XRN1: variants seen among roughly 807,000 people sequenced by gnomAD.
XRN1 encodes the protein strand-exchange protein 1 homolog.
A neutral mutation model predicts 222.3 loss-of-function variants in XRN1; 67 were observed. That is an observed-to-expected ratio of 0.30 (90% CI 0.25 to 0.37). The LOEUF (loss-of-function observed/expected upper bound fraction) is 0.37. XRN1 is among the 10% of genes least tolerant of loss of function. The probability of loss-of-function intolerance (pLI) is 1.00; values close to 1 mark genes in which losing one functional copy is unlikely to be tolerated. For synonymous variants in XRN1, 643 were observed against 652.4 expected, an observed-to-expected ratio of 0.99 and a Z score of 0.22; for missense variants, 1,707 against 2,000.2, an observed-to-expected ratio of 0.85 and a Z score of 2.80.
At chr3:142,405,702 T>C (rs2068310863) in intron 15 of XRN1, among the ~76,000 whole-genome samples, 1 of 152,072 alleles carries the variant, frequency 6.6e-6, no homozygotes, top group Admixed American at 6.5e-5. Context: ...AGTTCAATAA[T>C]AGACCCAAAT....
intron 22 of XRN1, among the ~76,000 whole-genome samples, chr3:142,380,755 G>T (rs1463341719): frequency 6.6e-6 from 1 of 151,956 alleles, no homozygotes; most frequent in Non-Finnish European, 1.5e-5. Context: ...GCCTTCCTGG[G>T]CTCAAACAAT....
chr3:142,420,398 G>A (rs569498056), intron 10 of XRN1: 2 of 152,490 alleles, frequency 1.3e-5, no homozygotes, highest in South Asian at 2.1e-4. Context: ...ATGAGACAGA[G>A]TCTCACTCTA....
chr3:142,335,587 C>T (rs1460576140), intron 33 of XRN1, 78 bp from the exon 34 acceptor site: 1 of 1,267,052 alleles, frequency 7.9e-7, no homozygotes, highest in Non-Finnish European at 1.1e-6. Context: ...TTTATAATAG[C>T]AAGGCACTGT....
chr3:142,358,850 T>C (rs550053169), intron 30 of XRN1, among the ~76,000 whole-genome samples: 8 of 151,968 alleles, frequency 5.3e-5, no homozygotes, highest in Non-Finnish European at 8.8e-5. Flanking sequence ...TGTAAGGAGG[T>C]TAAAAAAGGG....
At chr3:142,404,073 TA>T (rs1211126076) in intron 16 of XRN1, 84 bp from the exon 17 acceptor site, 17 of 1,181,896 alleles carry the variant, frequency 1.4e-5, no homozygotes, top group Non-Finnish European at 1.9e-5. Context: ...GTATATTTCG[TA>T]AGAGTCATCC....
intron 23 of XRN1, among the ~76,000 whole-genome samples, chr3:142,378,177 C>A (rs1166107642): frequency 6.6e-6 from 1 of 152,204 alleles, no homozygotes; most frequent in Non-Finnish European, 1.5e-5. Flanking sequence ...AGAACCTTCC[C>A]TCTGTTTTAA....
intron 29 of XRN1, 70 bp downstream of exon 29, chr3:142,364,977 A>T: frequency 6.7e-7 from 1 of 1,482,716 alleles, no homozygotes; most frequent in African/African-American, 1.4e-5. Flanking sequence ...AGATATAAAA[A>T]ACAGACAAGC....
intron 37 of XRN1, among the ~76,000 whole-genome samples, chr3:142,319,183 G>A (rs567740736): frequency 3.3e-5 from 5 of 152,302 alleles, no homozygotes; most frequent in Middle Eastern, 3.4e-3. Flanking sequence ...GACAAACTAT[G>A]GAGTTCTGCC....
At position 142,400,458 on chromosome 3, in the gene XRN1, T is replaced by A; in HGVS notation, c.2193A>T (p.Ser731=). Residue 731 remains serine, a synonymous_variant, in exon 19 of 41, where the codon TCA becomes TCT. Coordinates refer to ENST00000392981, the MANE Select transcript of XRN1 (RefSeq NM_001282857.2). ...ATCTTACTTACTTAGTTTCTCCATC[T>A]GATACAGCCACGACTCTAGCTTCCT... is the stretch of plus-strand genomic sequence containing the variant. The part of the protein sequence containing the change: ...HLEEARVVAV[S]DGETKFYLEE... 1 of 1,608,832 alleles carries A rather than the reference T, an allele frequency of 6.2e-7. No homozygotes were observed. The highest frequency in any genetic ancestry group is 8.5e-7 in the Non-Finnish European group (1 of 1,177,540).
At chr3:142,379,891 C>T (rs564129688) in intron 23 of XRN1, among the ~76,000 whole-genome samples, 191 bp downstream of exon 23, 1 of 152,198 alleles carries the variant, frequency 6.6e-6, no homozygotes, top group Admixed American at 6.5e-5. Context: ...GATTTCCCCC[C>T]ACAAAGATCT....
intron 18 of XRN1, among the ~76,000 whole-genome samples, chr3:142,402,348 A>G (rs1022728666): frequency 1.8e-4 from 27 of 151,974 alleles, no homozygotes; most frequent in Middle Eastern, 3.4e-3. Flanking sequence ...AAGTTTGGCT[A>G]ATTTTTGTAT....
chr3:142,320,266 C>T (rs979992749), intron 37 of XRN1, among the ~76,000 whole-genome samples: 7 of 152,156 alleles, frequency 4.6e-5, no homozygotes, highest in South Asian at 2.1e-4. Context: ...ATAGCCATTC[C>T]GCCTGGTATG....
chr3:142,361,528 A>G (rs991154911), intron 29 of XRN1, among the ~76,000 whole-genome samples: 39 of 152,160 alleles, frequency 2.6e-4, no homozygotes, highest in Non-Finnish European at 5.7e-4. Flanking sequence ...CTACTTTCCA[A>G]AGTGGTTTTA....
chr3:142,379,532 C>A (rs1215450567), intron 23 of XRN1, among the ~76,000 whole-genome samples: 1 of 152,016 alleles, frequency 6.6e-6, no homozygotes, highest in Non-Finnish European at 1.5e-5. Context: ...TCCAACCAAT[C>A]AATAAGAACA....
intron 18 of XRN1, among the ~76,000 whole-genome samples, chr3:142,400,811 G>A (rs1290504331): frequency 6.6e-6 from 1 of 152,104 alleles, no homozygotes; most frequent in Non-Finnish European, 1.5e-5. Flanking sequence ...CCAGCTACCC[G>A]GAGGCTGAGG....
intron 37 of XRN1, 149 bp from the exon 38 acceptor site, chr3:142,319,052 C>A: frequency 1.5e-6 from 1 of 649,108 alleles, no homozygotes; most frequent in Non-Finnish European, 2.5e-6. Flanking sequence ...CAAAAATTTT[C>A]GAGTTGTTGC....
At chr3:142,341,810 A>G (rs1430560956) in intron 33 of XRN1, among the ~76,000 whole-genome samples, 1 of 152,194 alleles carries the variant, frequency 6.6e-6, no homozygotes, top group East Asian at 1.9e-4. Flanking sequence ...AGACAAAAAC[A>G]ATAAGACACA....
intron 31 of XRN1, among the ~76,000 whole-genome samples, chr3:142,355,871 C>A (rs996865806): frequency 6.6e-6 from 1 of 152,064 alleles, no homozygotes; most frequent in African/African-American, 2.4e-5. Flanking sequence ...CCTGCCTTAG[C>A]CTCCCAGAGT....
intron 18 of XRN1, among the ~76,000 whole-genome samples, chr3:142,403,452 T>C (rs1349999837): frequency 6.6e-6 from 1 of 152,198 alleles, no homozygotes; most frequent in African/African-American, 2.4e-5. Context: ...ATAGCTCTTC[T>C]CCTTTTTAAA....
Sources: gnomAD v4.1 joint callset for allele counts (sites outside exome capture counted in the v4.1 genomes callset) on GRCh38, gnomAD v4.1.1 for gene constraint, MANE v1.5 for transcripts, NCBI Gene and HGNC (gene_info 2026-07-23, HGNC 2026-07-21) for gene names.